The following TMEM143 variants were observed in gnomAD, a reference collection of about 807,000 sequenced individuals.
TMEM143 encodes the protein transmembrane protein 143.
In TMEM143, 45 loss-of-function variants were observed where a neutral mutation model predicts 40.3. The ratio of observed to expected loss-of-function variants is 1.12; its 90% CI spans 0.88 to 1.43. TMEM143 has a LOEUF of 1.43. Among genes scored for constraint, TMEM143 ranks in the 40% most tolerant of loss-of-function variants. The pLI is 0.00. For missense variants in TMEM143, 620 were observed against 613.4 expected (o/e 1.01, Z -0.11); for synonymous variants, 299 against 282.7 (o/e 1.06, Z -0.58).
rs920227040 is a variant in TMEM143, at chr19:48,350,896, T to G, written c.370-5542A>C. On this transcript the variant is annotated intron_variant, in intron 3 of 7. Transcript: ENST00000293261. ...AACACAGTGCCACTGCACTCCAGCC[T>G]GGGAGACAGTGAGACTACATCTCAA... Among the ~76,000 whole-genome samples, 10 of 114,180 alleles carry G rather than the reference T, an allele frequency of 8.8e-5. No homozygotes were observed. In the Admixed American group the frequency reaches 9.6e-4, roughly 11 times the overall value. 74.9% of individuals were successfully genotyped at this position (114,180 alleles called of 152,430 possible). A position where few individuals can be genotyped will look rare whatever the true frequency, so the allele number is the denominator to read the frequency against.
chr19:48,352,799 T>G (rs1231918806), intron 3 of TMEM143, among the ~76,000 whole-genome samples: 1 of 152,024 alleles, frequency 6.6e-6, no homozygotes, highest in African/African-American at 2.4e-5. Context: ...ATATATTTTG[T>G]GGAGACAGAG....
At chr19:48,342,857 C>T (rs780539518) in intron 5 of TMEM143, 48 bp from the exon 6 acceptor site, 11 of 1,529,658 alleles carry the variant, frequency 7.2e-6, no homozygotes, top group East Asian at 4.7e-5. Flanking sequence ...CTGCACTGCC[C>T]GGGGAGCCCC....
At chr19:48,345,767 G>A (rs947210772) in intron 3 of TMEM143, among the ~76,000 whole-genome samples, 6 of 147,256 alleles carry the variant, frequency 4.1e-5, no homozygotes, top group Non-Finnish European at 6.0e-5. Flanking sequence ...CACCGTGCCC[G>A]GCCTGTGTTT....
Position 48,333,372 on chromosome 19 carries a change from C to A in TMEM143, c.1227G>T (p.Glu409Asp). 6.2e-7 allele frequency: 1 copy of A among 1,609,024 alleles called. No individual in the cohort carries two copies. The highest frequency in any genetic ancestry group is 1.1e-5 in the South Asian group (1 of 90,608). The change falls in exon 8 of 8, where the codon GAG becomes GAT. Residue 409 changes from glutamate to aspartate, a missense_variant. Physicochemically the swap from Glu to Asp is conservative, Grantham distance 45. Transcript: ENST00000293261. This position sits in a 1 kb window ranked among gnomAD's most constrained non-coding sequence, Gnocchi z 4.1. Reference sequence around the variant, plus strand: ...GGGCCCGAGTTCCGTTGAAGGTCACCTCACAGCCTGACTTGGCTAGGAGCC... The same window carrying A: ...GGGCCCGAGTTCCGTTGAAGGTCACATCACAGCCTGACTTGGCTAGGAGCC... ...ENWLLAKSGC[E>D]VTFNGTRALA...
Position 48,361,623 on chromosome 19 carries a change from C to T in TMEM143, c.265-1447G>A, listed in dbSNP as rs904907405. The stretch of plus-strand genomic sequence containing the variant: ...TCGGCTCACTGCAAGCTCCGCTTCC[C>T]GGGTTCACACCATTCTCCTGCCTCA... On this transcript the variant is annotated intron_variant, in intron 2 of 7. Transcript: ENST00000293261. Among the ~76,000 whole-genome samples the T allele has an allele frequency of 5.9e-5, 9 of 151,802 alleles. No homozygotes were observed. The East Asian group carries it at 9.7e-4, about 16-fold the overall frequency.
At chr19:48,358,221 T>G (rs1969953513) in intron 3 of TMEM143, among the ~76,000 whole-genome samples, 2 of 151,812 alleles carry the variant, frequency 1.3e-5, no homozygotes, top group Non-Finnish European at 2.9e-5. Flanking sequence ...CCATCTCTAC[T>G]AAAAATACAA....
chr19:48,337,708 A>G (rs1199332709), intron 6 of TMEM143, among the ~76,000 whole-genome samples: 2 of 152,064 alleles, frequency 1.3e-5, no homozygotes, highest in Non-Finnish European at 2.9e-5. Flanking sequence ...CTCTCAAGTC[A>G]GCGCACCCCA....
chr19:48,338,987 G>A (rs1969430660), intron 6 of TMEM143, among the ~76,000 whole-genome samples: 1 of 152,220 alleles, frequency 6.6e-6, no homozygotes, highest in Non-Finnish European at 1.5e-5. Flanking sequence ...GGATGGCAGG[G>A]TGGGGGCGCC....
chr19:48,333,658 G>C lies in TMEM143; in HGVS notation c.1166-225C>G, dbSNP rs1214589135. On this transcript the variant is annotated intron_variant, in intron 7 of 7. Coordinates refer to ENST00000293261, the MANE Select transcript of TMEM143 (RefSeq NM_018273.4). This position sits in a 1 kb window ranked among gnomAD's most constrained non-coding sequence, Gnocchi z 4.1. ...GTCTGGGGACCAGTCAGGGGCTCTT[G>C]GGCAGGGAAGGTGGGGGCTCCTGTA... Among the ~76,000 whole-genome samples the C allele has an allele frequency of 2.0e-5, 3 of 152,146 alleles. No individual in the cohort carries two copies. The highest frequency in any genetic ancestry group is 7.2e-5 in the African/African-American group (3 of 41,440).
intron 3 of TMEM143, among the ~76,000 whole-genome samples, chr19:48,354,507 C>T (rs946990570): frequency 2.1e-4 from 32 of 152,048 alleles, no homozygotes; most frequent in Non-Finnish European, 3.4e-4. Flanking sequence ...TTAAGTGATC[C>T]GCCCACCTCG....
chr19:48,349,394 A>C (rs997228033), intron 3 of TMEM143, among the ~76,000 whole-genome samples: 2 of 152,162 alleles, frequency 1.3e-5, no homozygotes, highest in African/African-American at 4.8e-5. Context: ...TGTAATCCCA[A>C]CACCTTGGGA....
At position 48,363,430 on chromosome 19, in the gene TMEM143, C is replaced by CG. The variant is rs762159291; in HGVS notation, c.124dup (p.Arg42ProfsTer86). 34 of 1,613,574 alleles carry CG rather than the reference C, an allele frequency of 2.1e-5. No homozygotes were observed. The highest frequency in any genetic ancestry group is 2.7e-5 in the African/African-American group (2 of 74,912). ...TTTGGCTGCCAGCGATGAGAGGGCC[C>CG]GGGGGGGCCCGAGGAGCGCGGGCAA... On this transcript the variant is annotated frameshift_variant, in exon 2 of 8. Coordinates refer to ENST00000293261, the MANE Select transcript of TMEM143 (RefSeq NM_018273.4). LOFTEE classifies it high-confidence loss of function.
At chr19:48,357,451 T>G (rs1032209493) in intron 3 of TMEM143, among the ~76,000 whole-genome samples, 1 of 151,416 alleles carries the variant, frequency 6.6e-6, no homozygotes, top group African/African-American at 2.4e-5. Flanking sequence ...CCTCCCGGGT[T>G]CACGTCATTC....
chr19:48,344,197 T>C (rs1424345896), intron 4 of TMEM143, among the ~76,000 whole-genome samples: 2 of 152,118 alleles, frequency 1.3e-5, no homozygotes, highest in Non-Finnish European at 2.9e-5. Context: ...GATTTTAGTA[T>C]TTCTTATAAT....
chr19:48,360,839 C>T (rs1970024843), intron 2 of TMEM143, among the ~76,000 whole-genome samples: 1 of 152,018 alleles, frequency 6.6e-6, no homozygotes, highest in Non-Finnish European at 1.5e-5. Flanking sequence ...CAGGCTGGAG[C>T]TCAGTTGTGC....
chr19:48,343,034 T>G, intron 5 of TMEM143: 1 of 686,666 alleles, frequency 1.5e-6, no homozygotes, highest in Non-Finnish European at 2.4e-6. Flanking sequence ...TTTGTTGGAA[T>G]CCTGGCCGTG....
In TMEM143 at chr19:48,343,306, C is replaced by T. The variant is rs774197022; in HGVS notation, c.695+15G>A. Reference sequence around the variant, plus strand: ...GCTCCCTCTTGCTGCAGCTGGGGAACAAGGGCCGCCTCACCTCTCCGCAGG... The same window carrying T: ...GCTCCCTCTTGCTGCAGCTGGGGAATAAGGGCCGCCTCACCTCTCCGCAGG... On this transcript the variant is annotated intron_variant, in intron 5 of 7. Coordinates refer to ENST00000293261, the MANE Select transcript of TMEM143 (RefSeq NM_018273.4). 3.1e-6 allele frequency: 5 copies of T among 1,607,280 alleles called. No homozygotes were observed. In the South Asian group the frequency reaches 5.5e-5, roughly 18 times the overall value.
intron 3 of TMEM143, among the ~76,000 whole-genome samples, chr19:48,352,245 T>TTAAAAAAAAAAA (rs1323662673): frequency 1.2e-4 from 1 of 8,066 alleles, no homozygotes. Context: ...AGACTCTGTC[T>TTAAAAAAAAAAA]CAAAAAAAAA....
intron 5 of TMEM143, 48 bp downstream of exon 5, chr19:48,343,273 C>G (rs1440217799): frequency 2.5e-6 from 4 of 1,588,728 alleles, no homozygotes; most frequent in South Asian, 1.1e-5. Context: ...CCTCTTGACT[C>G]TAACCTTGCT....
Sources: allele counts gnomAD v4.1 joint callset (sites outside exome capture counted in the v4.1 genomes callset), GRCh38; gene constraint gnomAD v4.1.1; non-coding constraint Gnocchi (gnomAD v3.1); transcripts MANE v1.5; gene names NCBI Gene and HGNC (gene_info 2026-07-23, HGNC 2026-07-21).